AAMP: variants seen among roughly 807,000 people sequenced by gnomAD.
AAMP encodes angio-associated migratory cell protein.
Under a neutral mutation model 51.1 loss-of-function variants are expected in AAMP, and 12 were observed. That is an observed-to-expected ratio of 0.23 (90% CI 0.15 to 0.38). AAMP has a LOEUF of 0.38. Among genes scored for constraint, AAMP ranks in the 10% least tolerant of loss-of-function variants. AAMP has a pLI of 1.00. For missense variants in AAMP, 418 were observed against 557.2 expected, an observed-to-expected ratio of 0.75 and a Z score of 2.52; for synonymous variants, 210 against 218.7, an observed-to-expected ratio of 0.96 and a Z score of 0.35.
At position 218,265,648 on chromosome 2, in the gene AAMP, G is replaced by A. The variant is rs983496216; in HGVS notation, c.914C>T (p.Ser305Phe). 2 of 1,613,686 alleles carry A rather than the reference G, an allele frequency of 1.2e-6. No homozygotes were observed. Among genetic ancestry groups the A allele is most frequent in the Non-Finnish European group, 1.7e-6 (2 of 1,180,024 alleles). ...VGVFRPETVASQPSLGEGEES... is the reference protein window; with the variant it reads ...VGVFRPETVAFQPSLGEGEES... ...CTCCCCTTCTCCCAGGCTGGGCTGGGAGGCCACAGTCTCAGGTCTAAAAAC... is the reference window on the plus strand; with the variant it reads ...CTCCCCTTCTCCCAGGCTGGGCTGGAAGGCCACAGTCTCAGGTCTAAAAAC... Residue 305 changes from serine (S) to phenylalanine (F), a missense_variant, in exon 8 of 11, where the codon TCC becomes TTC. By Grantham distance (155) the Ser-to-Phe change is radical. Transcript: ENST00000248450. The surrounding 1 kb of genome is among the most constrained non-coding windows in gnomAD (Gnocchi z 6.6).
At position 218,266,913 on chromosome 2, in the gene AAMP, G is replaced by T. The variant is rs1341055794; in HGVS notation, c.468C>A (p.Gly156=). The part of the protein sequence containing the change: ...STLVATGDMS[G]LLKVWQVDTK... ...TGTCCACCTGCCACACTTTCAAGAG[G>T]CCACTCATGTCCCCTGTGGCCACTA... Residue 156 remains glycine (G), a synonymous_variant, in exon 4 of 11, where the codon GGC becomes GGA. Coordinates refer to ENST00000248450, the MANE Select transcript of AAMP (RefSeq NM_001087.5). The surrounding 1 kb of genome is among the most constrained non-coding windows in gnomAD (Gnocchi z 4.7). 1.2e-6 allele frequency: 2 copies of T among 1,614,190 alleles called. No homozygotes were observed. Among genetic ancestry groups the T allele is most frequent in the Non-Finnish European group, 8.5e-7 (1 of 1,180,022 alleles).
chr2:218,267,725 TGGAAAACACA>T lies in AAMP; in HGVS notation c.275-122_275-113del. The T allele has an allele frequency of 1.5e-6, 2 of 1,367,414 alleles. No individual in the cohort carries two copies. The highest frequency in any genetic ancestry group is 2.5e-5 in the South Asian group (2 of 80,064). 84.7% of individuals were successfully genotyped at this position (1,367,414 alleles called of 1,614,324 possible). On this transcript the variant is annotated intron_variant, in intron 2 of 10. Coordinates refer to ENST00000248450, the MANE Select transcript of AAMP (RefSeq NM_001087.5). This position sits in a 1 kb window ranked among gnomAD's most constrained non-coding sequence, Gnocchi z 4.6. Reference sequence around the variant, plus strand: ...TTCACCCAAAGCGTGTCTTTCCTCCTGGAAAACACAGGTACATCCAAGTTCTTCTAAGTTT... The same window carrying T: ...TTCACCCAAAGCGTGTCTTTCCTCCTGGTACATCCAAGTTCTTCTAAGTTT...
chr2:218,265,049 C>T lies in AAMP; in HGVS notation c.1200G>A (p.Thr400=), dbSNP rs531234075. The stretch of plus-strand genomic sequence containing the variant: ...TGAGGGCAAAGTCCAGGATCTCAGC[C>T]GTGTGGCCCCGGTAGTCAGTAAGCA... ...GRLLTDYRGH[T]AEILDFALSK... The change falls in exon 10 of 11, where the codon ACG becomes ACA. Residue 400 remains threonine (T), a synonymous_variant. Coordinates refer to ENST00000248450, the MANE Select transcript of AAMP (RefSeq NM_001087.5). The surrounding 1 kb of genome is among the most constrained non-coding windows in gnomAD (Gnocchi z 6.6). 3.8e-4 allele frequency: 610 copies of T among 1,613,902 alleles called. 8 individuals carry two copies. In the South Asian group the frequency reaches 6.2e-3, roughly 16 times the overall value.
intron 2 of AAMP, among the ~76,000 whole-genome samples, chr2:218,269,137 A>G (rs978066254): frequency 7.9e-5 from 12 of 152,236 alleles, no homozygotes; most frequent in African/African-American, 2.7e-4. Flanking sequence ...CCGGCCAAAG[A>G]TAACTTTTTA....
chr2:218,269,341 C>T, intron 2 of AAMP, 41 bp downstream of exon 2: 2 of 1,611,434 alleles, frequency 1.2e-6, no homozygotes, highest in South Asian at 2.2e-5. Context: ...GCTTACACGC[C>T]CACCTAAACT....
rs1207416741 is a variant in AAMP, at chr2:218,269,650, CAG to C, written c.122-118_122-117del. 1.8e-4 allele frequency: 277 copies of C among 1,554,654 alleles called. 3 individuals carry two copies. The South Asian group carries it at 2.9e-3, about 16-fold the overall frequency. On this transcript the variant is annotated intron_variant, in intron 1 of 10. Coordinates refer to ENST00000248450, the MANE Select transcript of AAMP (RefSeq NM_001087.5). ...ATGTGGCGAGAAGGGAAGGTGGAGT[CAG>C]ACACACCGGGGTCCGCGGGGGCGCG...
chr2:218,269,371 C>T lies in AAMP; in HGVS notation c.274+11G>A. The T allele has an allele frequency of 6.2e-7, 1 of 1,613,708 alleles. No homozygotes were observed. Among genetic ancestry groups the T allele is most frequent in the East Asian group, 2.2e-5 (1 of 44,872 alleles). On this transcript the variant is annotated intron_variant, in intron 2 of 10. Coordinates refer to ENST00000248450, the MANE Select transcript of AAMP (RefSeq NM_001087.5). The stretch of plus-strand genomic sequence containing the variant: ...TAAACTGATTTGAGGTGGATCGCCT[C>T]AAAGACCTACCTGAGTGCAATGCAA...
At position 218,267,197 on chromosome 2, in the gene AAMP, C is replaced by G. The variant is rs1690655651; in HGVS notation, c.395-211G>C. ...CACTGCTGGCCCTCACTCAACCAGA[C>G]CAAGTCCCAGCCTCCTATGCCTTCC... On this transcript the variant is annotated intron_variant, in intron 3 of 10. Coordinates refer to ENST00000248450, the MANE Select transcript of AAMP (RefSeq NM_001087.5). The surrounding 1 kb of genome is among the most constrained non-coding windows in gnomAD (Gnocchi z 4.6). Among the ~76,000 whole-genome samples, 2 of 152,134 alleles carry G rather than the reference C, an allele frequency of 1.3e-5. No homozygotes were observed. The highest frequency in any genetic ancestry group is 1.5e-5 in the Non-Finnish European group (1 of 68,026).
In AAMP at chr2:218,267,076, G is replaced by T; in HGVS notation, c.395-90C>A. 1 of 1,490,076 alleles carries T rather than the reference G, an allele frequency of 6.7e-7. No individual in the cohort carries two copies. Among genetic ancestry groups the T allele is most frequent in the Non-Finnish European group, 9.2e-7 (1 of 1,086,808 alleles). The allele number at this position is 1,490,076 out of a possible 1,614,324, so 92.3% of individuals were successfully genotyped here. A position where few individuals can be genotyped will look rare whatever the true frequency, so the allele number is the denominator to read the frequency against. On this transcript the variant is annotated intron_variant, in intron 3 of 10. Transcript: ENST00000248450. The surrounding 1 kb of genome is among the most constrained non-coding windows in gnomAD (Gnocchi z 4.6). ...ATTCTGGTATCTGGCCCACTGAAAG[G>T]ACCAGCTAGGAAAAAAAGAGGGGCG...
In AAMP at chr2:218,266,475, C is replaced by A; in HGVS notation, c.647G>T (p.Cys216Phe). The A allele has an allele frequency of 6.2e-7, 1 of 1,614,044 alleles. No individual in the cohort carries two copies. Among genetic ancestry groups the A allele is most frequent in the South Asian group, 1.1e-5 (1 of 91,084 alleles). ...GDCKTFQGPN[C>F]PATCGRVLPD... is the part of the protein sequence containing the mutation. ...GAGGACTCGGCCACAGGTGGCTGGG[C>A]AGTTGGGACCCTGGAAGGTCTTGCA... The change falls in exon 5 of 11, where the codon TGC becomes TTC. Residue 216 changes from cysteine (C) to phenylalanine (F), a missense_variant. Cys to Phe is a radical substitution (Grantham distance 205). Coordinates refer to ENST00000248450, the MANE Select transcript of AAMP (RefSeq NM_001087.5). This position sits in a 1 kb window ranked among gnomAD's most constrained non-coding sequence, Gnocchi z 4.7.
intron 1 of AAMP, chr2:218,269,762 G>A: frequency 4.0e-6 from 4 of 1,003,828 alleles, no homozygotes; most frequent in South Asian, 3.1e-5. Flanking sequence ...GGGTGTGTGA[G>A]GGGAAGGGCC....
chr2:218,266,681 G>A lies in AAMP; in HGVS notation c.535-94C>T. 6.4e-7 allele frequency: 1 copy of A among 1,555,358 alleles called. No homozygotes were observed. The highest frequency in any genetic ancestry group is 8.7e-7 in the Non-Finnish European group (1 of 1,146,612). ...CTCCACCCAAGGTTTCCTGCCTCTGGGGTTCCGCGGGGACTTTCCAGGTAG... is the reference window on the plus strand; with the variant it reads ...CTCCACCCAAGGTTTCCTGCCTCTGAGGTTCCGCGGGGACTTTCCAGGTAG... On this transcript the variant is annotated intron_variant, in intron 4 of 10. Transcript: ENST00000248450. The surrounding 1 kb of genome is among the most constrained non-coding windows in gnomAD (Gnocchi z 4.7).
intron 10 of AAMP, 142 bp from the exon 11 acceptor site, chr2:218,264,750 G>A: frequency 1.2e-6 from 1 of 843,996 alleles, no homozygotes; most frequent in South Asian, 1.5e-5. Flanking sequence ...CAGCCAGCAT[G>A]GAGGGGATTA....
Position 218,265,647 on chromosome 2 carries a change from G to A in AAMP, c.915C>T (p.Ser305=). 1 of 1,613,676 alleles carries A rather than the reference G, an allele frequency of 6.2e-7. No individual in the cohort carries two copies. Among genetic ancestry groups the A allele is most frequent in the Non-Finnish European group, 8.5e-7 (1 of 1,180,034 alleles). The change falls in exon 8 of 11, where the codon TCC becomes TCT. Residue 305 remains serine, a synonymous_variant. Transcript: ENST00000248450. This position sits in a 1 kb window ranked among gnomAD's most constrained non-coding sequence, Gnocchi z 6.6. ...VGVFRPETVA[S]QPSLGEGEES... The stretch of plus-strand genomic sequence containing the variant: ...CCTCCCCTTCTCCCAGGCTGGGCTG[G>A]GAGGCCACAGTCTCAGGTCTAAAAA...
chr2:218,266,038 G>A lies in AAMP; in HGVS notation c.763+26C>T, dbSNP rs528748144. 4.3e-6 allele frequency: 7 copies of A among 1,613,002 alleles called. No homozygotes were observed. The highest frequency in any genetic ancestry group is 4.0e-5 in the African/African-American group (3 of 75,002). Reference sequence around the variant, plus strand: ...TCAGCCCCTCCCTACAAAGGCCCAGGCTAACACTTCCCCCACCTCTGATAC... The same window carrying A: ...TCAGCCCCTCCCTACAAAGGCCCAGACTAACACTTCCCCCACCTCTGATAC... On this transcript the variant is annotated intron_variant, in intron 6 of 10. Transcript: ENST00000248450. This position sits in a 1 kb window ranked among gnomAD's most constrained non-coding sequence, Gnocchi z 4.7.
intron 2 of AAMP, among the ~76,000 whole-genome samples, chr2:218,268,745 C>T (rs1237494014): frequency 1.4e-5 from 2 of 141,270 alleles, no homozygotes; most frequent in Admixed American, 1.5e-4. Flanking sequence ...GTTGCCCAGG[C>T]TGGAGTGCAA....
Position 218,266,628 on chromosome 2 carries a change from C to G in AAMP, c.535-41G>C. ...GGGGCAGCAGGGAGGCCCGTCACCC[C>G]ATCCCACCTAGAAGCCTGCCCCATG... On this transcript the variant is annotated intron_variant, in intron 4 of 10. Transcript: ENST00000248450. This position sits in a 1 kb window ranked among gnomAD's most constrained non-coding sequence, Gnocchi z 4.7. The G allele has an allele frequency of 6.3e-7, 1 of 1,591,810 alleles. No individual in the cohort carries two copies. Among genetic ancestry groups the G allele is most frequent in the Non-Finnish European group, 8.6e-7 (1 of 1,165,512 alleles).
rs201964649 is a variant in AAMP, at chr2:218,265,605, C to T, written c.957G>A (p.Ser319=). 250 of 1,613,948 alleles carry T rather than the reference C, an allele frequency of 1.5e-4. 1 individual carries two copies. In the East Asian group the frequency reaches 4.2e-3, roughly 27 times the overall value. The change falls in exon 8 of 11, where the codon TCG becomes TCA. Residue 319 remains serine (S), a synonymous_variant. Coordinates refer to ENST00000248450, the MANE Select transcript of AAMP (RefSeq NM_001087.5). This position sits in a 1 kb window ranked among gnomAD's most constrained non-coding sequence, Gnocchi z 6.6. ...CACTGCAGAAGCCCAAGGACTCCAC[C>T]GAGTTGGACTCACTCTCCTCCCCTT... The part of the protein sequence containing the change: ...LGEGEESESN[S]VESLGFCSVM...
In AAMP at chr2:218,267,079, C is replaced by G; in HGVS notation, c.395-93G>C. ...CTGGTATCTGGCCCACTGAAAGGAC[C>G]AGCTAGGAAAAAAAGAGGGGCGGGA... On this transcript the variant is annotated intron_variant, in intron 3 of 10. Coordinates refer to ENST00000248450, the MANE Select transcript of AAMP (RefSeq NM_001087.5). This position sits in a 1 kb window ranked among gnomAD's most constrained non-coding sequence, Gnocchi z 4.6. The G allele has an allele frequency of 6.7e-7, 1 of 1,482,852 alleles. No individual in the cohort carries two copies. The highest frequency in any genetic ancestry group is 1.2e-5 in the South Asian group (1 of 81,638). The allele number at this position is 1,482,852 out of a possible 1,614,324, so 91.9% of individuals were successfully genotyped here.
Sources: allele counts gnomAD v4.1 joint callset (sites outside exome capture counted in the v4.1 genomes callset), GRCh38; gene constraint gnomAD v4.1.1; non-coding constraint Gnocchi (gnomAD v3.1); transcripts MANE v1.5; gene names NCBI Gene and HGNC (gene_info 2026-07-23, HGNC 2026-07-21).